The following SCHIP1 variants were observed in gnomAD, a reference collection of about 807,000 sequenced individuals.
SCHIP1 encodes schwannomin-interacting protein 1.
A neutral mutation model predicts 29.7 loss-of-function variants in SCHIP1; 8 were observed. That is an observed-to-expected ratio of 0.27 (90% CI 0.16 to 0.49). The LOEUF is 0.49. SCHIP1 is among the 20% of genes least tolerant of loss of function. SCHIP1 has a pLI of 0.99. For synonymous variants in SCHIP1, 76 were observed against 94.9 expected (o/e 0.80, Z 1.16); for missense variants, 193 against 294.6 (o/e 0.66, Z 2.52).
the SCHIP1 span, among the ~76,000 whole-genome samples, chr3:159,664,648 T>C: frequency 1.3e-5 from 2 of 152,308 alleles, no homozygotes; most frequent in Admixed American, 6.5e-5. Context: ...TCGGAAAGTG[T>C]TGCAGGCAAA....
the SCHIP1 span, among the ~76,000 whole-genome samples, chr3:159,694,270 A>G: frequency 1.3e-5 from 2 of 152,108 alleles, no homozygotes; most frequent in African/African-American, 4.8e-5. Flanking sequence ...CCCTAATCAC[A>G]GCACTTTGGG....
the SCHIP1 span, among the ~76,000 whole-genome samples, chr3:159,643,961 C>T: frequency 1.3e-5 from 2 of 152,050 alleles, no homozygotes; most frequent in Admixed American, 1.3e-4. Flanking sequence ...TTACTGATAA[C>T]AGATACAGTA....
chr3:159,606,369 T>C, the SCHIP1 span, among the ~76,000 whole-genome samples: 1 of 152,186 alleles, frequency 6.6e-6, no homozygotes, highest in Non-Finnish European at 1.5e-5. Context: ...TATATTGCCC[T>C]TCTTTTTAAA....
the SCHIP1 span, among the ~76,000 whole-genome samples, chr3:159,459,326 A>G: frequency 6.6e-6 from 1 of 152,120 alleles, no homozygotes; most frequent in Non-Finnish European, 1.5e-5. Flanking sequence ...AGAAAATACT[A>G]ATCAAAAAAT....
At chr3:159,776,237 C>T in the SCHIP1 span, among the ~76,000 whole-genome samples, 3 of 151,586 alleles carry the variant, frequency 2.0e-5, no homozygotes, top group Admixed American at 1.3e-4. Flanking sequence ...AAATTGCAGA[C>T]AATTTTTTTT....
chr3:159,472,653 G>A, the SCHIP1 span, among the ~76,000 whole-genome samples: 3 of 152,138 alleles, frequency 2.0e-5, no homozygotes, highest in Non-Finnish European at 4.4e-5. Context: ...ACATTTAGAG[G>A]CCCTCGGCGG....
chr3:159,780,804 A>C, the SCHIP1 span, among the ~76,000 whole-genome samples: 1 of 152,214 alleles, frequency 6.6e-6, no homozygotes, highest in Non-Finnish European at 1.5e-5. Context: ...TAGCCCCCAT[A>C]GGGATTCGAC....
At chr3:159,566,730 T>C in the SCHIP1 span, among the ~76,000 whole-genome samples, 2 of 152,120 alleles carry the variant, frequency 1.3e-5, no homozygotes, top group African/African-American at 2.4e-5. Context: ...GAGGCCAGTG[T>C]GGCTAAAACA....
chr3:159,378,366 G>A, the SCHIP1 span, among the ~76,000 whole-genome samples: 1 of 152,176 alleles, frequency 6.6e-6, no homozygotes, highest in Non-Finnish European at 1.5e-5. Context: ...ATGAGGGTGT[G>A]TTGTTGATTT....
the SCHIP1 span, among the ~76,000 whole-genome samples, chr3:159,472,688 T>C: frequency 6.6e-6 from 1 of 152,094 alleles, no homozygotes; most frequent in African/African-American, 2.4e-5. Context: ...TGAAGCACAG[T>C]GAAGGAATCA....
chr3:159,730,735 T>G, the SCHIP1 span, among the ~76,000 whole-genome samples: 3 of 152,186 alleles, frequency 2.0e-5, no homozygotes, highest in African/African-American at 7.2e-5. Flanking sequence ...AAATAAATCA[T>G]GTATTTATTT....
At chr3:159,851,000 G>T (rs184531531) in intron 1 of SCHIP1, among the ~76,000 whole-genome samples, 1 of 152,154 alleles carries the variant, frequency 6.6e-6, no homozygotes, top group East Asian at 1.9e-4. Flanking sequence ...TTGGATGGGC[G>T]TGGTGCTTCA....
the SCHIP1 span, among the ~76,000 whole-genome samples, chr3:159,516,951 G>T: frequency 2.2e-4 from 33 of 152,192 alleles, no homozygotes; most frequent in Non-Finnish European, 4.0e-4. Flanking sequence ...AGGGGCAGAA[G>T]TAGATTAGAA....
the SCHIP1 span, among the ~76,000 whole-genome samples, chr3:159,434,664 G>C: frequency 1.3e-5 from 2 of 152,260 alleles, no homozygotes; most frequent in South Asian, 2.1e-4. Context: ...AATCTCTCCA[G>C]TAGATCTACT....
At chr3:159,787,739 G>A in the SCHIP1 span, among the ~76,000 whole-genome samples, 1 of 152,158 alleles carries the variant, frequency 6.6e-6, no homozygotes, top group African/African-American at 2.4e-5. Flanking sequence ...TCTAAGGGAA[G>A]GAACACTTTG....
chr3:159,803,529 C>G, the SCHIP1 span, among the ~76,000 whole-genome samples: 1 of 152,174 alleles, frequency 6.6e-6, no homozygotes, highest in Non-Finnish European at 1.5e-5. Context: ...CCTTTGCACA[C>G]TGCTTCACTA....
chr3:159,697,785 A>AG, the SCHIP1 span, among the ~76,000 whole-genome samples: 2 of 152,214 alleles, frequency 1.3e-5, no homozygotes, highest in South Asian at 4.1e-4. Flanking sequence ...AATAATAACT[A>AG]CTTTGAAGAC....
At chr3:159,401,429 A>G in the SCHIP1 span, 30 of 901,742 alleles carry the variant, frequency 3.3e-5, no homozygotes, top group Non-Finnish European at 4.0e-5. Flanking sequence ...AAAAATAGCT[A>G]CCAGTTTTTT....
chr3:159,878,586 G>A (rs574807313), intron 2 of SCHIP1, among the ~76,000 whole-genome samples: 79 of 151,520 alleles, frequency 5.2e-4, no homozygotes, highest in African/African-American at 1.8e-3. Flanking sequence ...AGACCATCCC[G>A]GCTAAAACGG....
Sources: allele counts gnomAD v4.1 joint callset (sites outside exome capture counted in the v4.1 genomes callset), GRCh38; gene constraint gnomAD v4.1.1; transcripts MANE v1.5; gene names NCBI Gene and HGNC (gene_info 2026-07-23, HGNC 2026-07-21).